Variants in SPSB3 observed in about 807,000 individuals in gnomAD.
SPSB3 encodes the protein SPRY domain-containing SOCS box protein 3.
SPSB3 carries 18 observed loss-of-function variants against 29.5 expected under a neutral mutation model. The ratio of observed to expected loss-of-function variants is 0.61; its 90% CI spans 0.42 to 0.91. The LOEUF is 0.91. Among genes scored for constraint, SPSB3 ranks in the 40% least tolerant of loss-of-function variants. The probability of loss-of-function intolerance (pLI) is 0.00; values close to 1 mark genes in which losing one functional copy is unlikely to be tolerated. For missense variants in SPSB3, 540 were observed against 507.5 expected, an observed-to-expected ratio of 1.06 and a Z score of -0.61; for synonymous variants, 299 against 214.1, an observed-to-expected ratio of 1.40 and a Z score of -3.46.
Position 1,781,451 on chromosome 16 carries a change from C to A in SPSB3, c.33G>T (p.Trp11Cys). Residue 11 changes from tryptophan (W) to cysteine (C), a missense_variant, in exon 2 of 7, where the codon TGG becomes TGT. Transcript: ENST00000566339. ...GGCGGGCTGCACTCAGGACGAAGTG[C>A]CAGGCCCTGCTGTTCCGGGGGCGTC... The part of the protein sequence containing the change: MARRPRNSRA[W>C]HFVLSAARRD... 1 of 1,612,740 alleles carries A rather than the reference C, an allele frequency of 6.2e-7. No homozygotes were observed.
Position 1,777,342 on chromosome 16 carries a change from T to A in SPSB3, c.823A>T (p.Thr275Ser), listed in dbSNP as rs1300547763. Residue 275 changes from threonine (T) to serine (S), a missense_variant, in exon 7 of 7, where the codon ACT becomes TCT. Thr to Ser is a moderately conservative substitution (Grantham distance 58). Coordinates refer to ENST00000566339, the MANE Select transcript of SPSB3 (RefSeq NM_080861.4). ...MKVTRSCASA[T>S]SLQYLCCHRL... The stretch of plus-strand genomic sequence containing the variant: ...TGGCAGCACAGGTACTGGAGGGAAG[T>A]GGCGCTGGCACAGGAGCGGGTGACC... 6.2e-7 allele frequency: 1 copy of A among 1,608,112 alleles called. No individual in the cohort carries two copies. The highest frequency in any genetic ancestry group is 1.7e-5 in the Admixed American group (1 of 59,934).
At chr16:1,777,502 A>G (rs1444171980) in intron 6 of SPSB3, 59 bp from the exon 7 acceptor site, 6 of 1,434,034 alleles carry the variant, frequency 4.2e-6, no homozygotes, top group Middle Eastern at 2.4e-4. Flanking sequence ...TACTGGGCGC[A>G]GCCCCTCAGA....
chr16:1,778,715 G>A, intron 2 of SPSB3, 103 bp from the exon 3 acceptor site: 1 of 1,340,942 alleles, frequency 7.5e-7, no homozygotes, highest in Non-Finnish European at 9.9e-7. Flanking sequence ...ACCCAGGAAA[G>A]GATGGGGGTC....
intron 2 of SPSB3, chr16:1,780,324 T>G (rs1054244992): frequency 2.0e-5 from 3 of 152,124 alleles, no homozygotes; most frequent in African/African-American, 7.3e-5. Context: ...CCGAGGGAGA[T>G]CTCAGGAAAC....
chr16:1,778,869 G>T, intron 2 of SPSB3: 1 of 406,648 alleles, frequency 2.5e-6, no homozygotes. Flanking sequence ...TGGCCTCCAA[G>T]TGGTTTCTAG....
At chr16:1,779,784 G>C (rs534290638) in intron 2 of SPSB3, 1 of 152,310 alleles carries the variant, frequency 6.6e-6, no homozygotes, top group Non-Finnish European at 1.5e-5. Flanking sequence ...CAGCACATGT[G>C]TCGAACACTG....
At position 1,778,439 on chromosome 16, in the gene SPSB3, G is replaced by A. The variant is rs200890401; in HGVS notation, c.300C>T (p.Asp100=). The change falls in exon 3 of 7, where the codon GAC becomes GAT. Residue 100 remains aspartate, a synonymous_variant. Coordinates refer to ENST00000566339, the MANE Select transcript of SPSB3 (RefSeq NM_080861.4). Reference sequence around the variant, plus strand: ...GGGGCTGGGCCCCACGCTCACACTCGTCTTCCTCTCCGCAGCGGCAGTCCC... The same window carrying A: ...GGGGCTGGGCCCCACGCTCACACTCATCTTCCTCTCCGCAGCGGCAGTCCC... ...RGRDCRCGEE[D]EYFDWVWDDL... The A allele has an allele frequency of 3.9e-5, 63 of 1,609,274 alleles. No homozygotes were observed. In the African/African-American group the frequency reaches 4.5e-4, roughly 12 times the overall value.
chr16:1,781,912 C>CCCGA (rs1896732911), intron 1 of SPSB3: 1 of 209,078 alleles, frequency 4.8e-6, no homozygotes, highest in Non-Finnish European at 9.9e-6. Context: ...TCCCCTCACG[C>CCCGA]CCGGCCCGAC....
rs957079867 is a variant in SPSB3, at chr16:1,781,224, G to A, written c.126+134C>T. 2.5e-6 allele frequency: 4 copies of A among 1,583,546 alleles called. No homozygotes were observed. In the Admixed American group the frequency reaches 5.3e-5, roughly 21 times the overall value. ...CGGTGCATCCAGGAGACAGGCCCAG[G>A]TTTGGACTGGTCCTCTAGCCTCAGA... On this transcript the variant is annotated intron_variant, in intron 2 of 6. Coordinates refer to ENST00000566339, the MANE Select transcript of SPSB3 (RefSeq NM_080861.4).
At chr16:1,777,907 C>A in intron 5 of SPSB3, 35 bp from the exon 6 acceptor site, 1 of 1,611,850 alleles carries the variant, frequency 6.2e-7, no homozygotes, top group Non-Finnish European at 8.5e-7. Context: ...AGCCCGGGAG[C>A]TCCAGGCTCG....
chr16:1,778,437 T>G lies in SPSB3; in HGVS notation c.302A>C (p.Glu101Ala), dbSNP rs1645816240. The G allele has an allele frequency of 6.2e-7, 1 of 1,608,782 alleles. No homozygotes were observed. Among genetic ancestry groups the G allele is most frequent in the African/African-American group, 1.3e-5 (1 of 74,814 alleles). ...CAGGGGCTGGGCCCCACGCTCACAC[T>G]CGTCTTCCTCTCCGCAGCGGCAGTC... ...GRDCRCGEED[E>A]YFDWVWDDLN... Residue 101 changes from glutamate (E) to alanine (A), a missense_variant and splice_region_variant, in exon 3 of 7, where the codon GAG becomes GCG. Physicochemically the swap from Glu to Ala is moderately radical, Grantham distance 107. Transcript: ENST00000566339.
chr16:1,781,737 G>A (rs939189805), intron 1 of SPSB3: 7 of 535,566 alleles, frequency 1.3e-5, no homozygotes, highest in Non-Finnish European at 2.3e-5. Flanking sequence ...GCGAATCCCA[G>A]CCCCTCTCTC....
chr16:1,781,828 T>C (rs1896728930), intron 1 of SPSB3: 1 of 308,100 alleles, frequency 3.2e-6, no homozygotes, highest in Middle Eastern at 1.0e-3. Context: ...TCCTCTGTCG[T>C]CCGGTTTGAC....
Position 1,782,492 on chromosome 16 carries a change from C to G in SPSB3, c.-13+10G>C, listed in dbSNP as rs1270290045. 6.6e-6 allele frequency: 1 copy of G among 152,562 alleles called. No individual in the cohort carries two copies. Among genetic ancestry groups the G allele is most frequent in the Non-Finnish European group, 1.5e-5 (1 of 68,290 alleles). 9.5% of individuals were successfully genotyped at this position (152,562 alleles called of 1,614,324 possible). A position where few individuals can be genotyped will look rare whatever the true frequency, so the allele number is the denominator to read the frequency against. The stretch of plus-strand genomic sequence containing the variant: ...GAGCCCGAGACGTCGGCCCGTGCCC[C>G]GCCACTCACCTGCAGCCCCCGCTGC... On this transcript the variant is annotated intron_variant, in intron 1 of 6. Coordinates refer to ENST00000566339, the MANE Select transcript of SPSB3 (RefSeq NM_080861.4).
intron 1 of SPSB3, 183 bp from the exon 2 acceptor site, chr16:1,781,678 C>A: frequency 1.6e-6 from 1 of 620,650 alleles, no homozygotes; most frequent in Non-Finnish European, 2.8e-6. Context: ...CTCAATAAAA[C>A]CCAGGTAGAT....
At chr16:1,781,679 C>T (rs1896719504) in intron 1 of SPSB3, 184 bp from the exon 2 acceptor site, 1 of 613,372 alleles carries the variant, frequency 1.6e-6, no homozygotes, top group Non-Finnish European at 2.8e-6. Context: ...TCAATAAAAC[C>T]CAGGTAGATC....
chr16:1,777,894 G>C (rs1160434176), intron 5 of SPSB3, 22 bp from the exon 6 acceptor site: 2 of 1,611,888 alleles, frequency 1.2e-6, no homozygotes, highest in South Asian at 2.2e-5. Flanking sequence ...CAGGGTCGCA[G>C]TGAGCCCGGG....
At chr16:1,777,908 T>G in intron 5 of SPSB3, 36 bp from the exon 6 acceptor site, 2 of 1,611,768 alleles carry the variant, frequency 1.2e-6, no homozygotes, top group South Asian at 2.2e-5. Flanking sequence ...GCCCGGGAGC[T>G]CCAGGCTCGG....
At position 1,776,904 on chromosome 16, in the gene SPSB3, A is replaced by C. The variant is rs1405727854; in HGVS notation, c.*193T>G. Reference sequence around the variant, plus strand: ...GCTCAGGGCAGCCGCTTCCCCACCCAGCACAGCAGCAGAGGGGCCCTAGAG... The same window carrying C: ...GCTCAGGGCAGCCGCTTCCCCACCCCGCACAGCAGCAGAGGGGCCCTAGAG... On this transcript the variant is annotated 3_prime_UTR_variant, in exon 7 of 7. Transcript: ENST00000566339. The C allele has an allele frequency of 4.6e-6, 3 of 658,816 alleles. No individual in the cohort carries two copies. The highest frequency in any genetic ancestry group is 1.8e-5 in the African/African-American group (1 of 54,708). The allele number at this position is 658,816 out of a possible 1,614,324, so 40.8% of individuals were successfully genotyped here.
Sources: allele counts gnomAD v4.1 joint callset, GRCh38; gene constraint gnomAD v4.1.1; transcripts MANE v1.5; gene names NCBI Gene and HGNC (gene_info 2026-07-23, HGNC 2026-07-21).